Variants in FARS2 observed in about 807,000 individuals in gnomAD.
The protein encoded by FARS2 is phenylalanyl-tRNA synthetase 2, mitochondrial, also known as phenylalanine--tRNA ligase, mitochondrial.
In FARS2, 40 loss-of-function variants were observed where a neutral mutation model predicts 46.4. The observed-to-expected ratio is 0.86, with a 90% confidence interval of 0.67 to 1.12. The LOEUF (loss-of-function observed/expected upper bound fraction) is 1.12, where lower values mean the gene tolerates loss of function less well. Among genes scored for constraint, FARS2 ranks in the 50% most tolerant of loss-of-function variants. The pLI, the probability that FARS2 is intolerant of heterozygous loss-of-function variation, is 0.00. For missense variants in FARS2, 513 were observed against 567.9 expected, an observed-to-expected ratio of 0.90 and a Z score of 0.98; for synonymous variants, 234 against 214.9, an observed-to-expected ratio of 1.09 and a Z score of -0.78.
rs377077051 is a variant in FARS2, at chr6:5,285,736, T to C, written c.-22+24076T>C. Among the ~76,000 whole-genome samples the C allele has an allele frequency of 5.3e-5, 8 of 152,350 alleles. No individual in the cohort carries two copies. The South Asian group carries it at 1.2e-3, about 24-fold the overall frequency. On this transcript the variant is annotated intron_variant, in intron 1 of 6. Coordinates refer to ENST00000274680, the MANE Select transcript of FARS2 (RefSeq NM_006567.5). ...AAACCATTTAGGTCAAGTTTCAGTG[T>C]CTGTCTCAGTGATGTTATCTCTGTG...
At chr6:5,566,088 T>A (rs948580622) in intron 5 of FARS2, among the ~76,000 whole-genome samples, 1 of 152,208 alleles carries the variant, frequency 6.6e-6, no homozygotes, top group Non-Finnish European at 1.5e-5. Context: ...TTTATTTTAA[T>A]GCTTAATTTA....
intron 1 of FARS2, among the ~76,000 whole-genome samples, chr6:5,266,125 A>G (rs1218114384): frequency 6.6e-6 from 1 of 152,180 alleles, no homozygotes; most frequent in Non-Finnish European, 1.5e-5. Flanking sequence ...TGTAGGTGGA[A>G]GATGACTCAC....
intron 4 of FARS2, among the ~76,000 whole-genome samples, chr6:5,476,319 T>C (rs1766120862): frequency 6.6e-6 from 1 of 152,330 alleles, no homozygotes; most frequent in South Asian, 2.1e-4. Flanking sequence ...AGCATACTAA[T>C]TGATGTTTTC....
At chr6:5,388,253 C>T (rs1209047438) in intron 2 of FARS2, among the ~76,000 whole-genome samples, 4 of 152,134 alleles carry the variant, frequency 2.6e-5, no homozygotes, top group Non-Finnish European at 5.9e-5. Context: ...AAAAATCATA[C>T]ACTTGGCAGG....
chr6:5,444,314 A>C (rs1319108730), intron 4 of FARS2, among the ~76,000 whole-genome samples: 2 of 151,896 alleles, frequency 1.3e-5, no homozygotes, highest in Non-Finnish European at 2.9e-5. Context: ...TAAAAATACA[A>C]AAATTAGCTG....
At chr6:5,407,066 T>TATGTATATATATAA (rs70975905) in intron 3 of FARS2, among the ~76,000 whole-genome samples, 1 of 109,690 alleles carries the variant, frequency 9.1e-6, no homozygotes, top group Non-Finnish European at 1.9e-5. Flanking sequence ...TATATATATA[T>TATGTATATATATAA]AATGACCAAT....
At chr6:5,438,801 G>A (rs991395293) in intron 4 of FARS2, among the ~76,000 whole-genome samples, 1 of 152,142 alleles carries the variant, frequency 6.6e-6, no homozygotes, top group Admixed American at 6.5e-5. Flanking sequence ...TGGGCATCAT[G>A]TCCATGCTCA....
intron 5 of FARS2, among the ~76,000 whole-genome samples, chr6:5,558,338 T>G (rs1246757640): frequency 1.3e-5 from 2 of 152,108 alleles, no homozygotes; most frequent in Non-Finnish European, 2.9e-5. Flanking sequence ...AGGTAGAGTG[T>G]CACATGGCTT....
chr6:5,370,906 A>G (rs1234780798), intron 2 of FARS2, among the ~76,000 whole-genome samples: 1 of 152,204 alleles, frequency 6.6e-6, no homozygotes, highest in African/African-American at 2.4e-5. Flanking sequence ...CTTCTTATAT[A>G]AGGTGCATCT....
chr6:5,331,131 G>A (rs1408965423), intron 1 of FARS2, among the ~76,000 whole-genome samples: 2 of 150,478 alleles, frequency 1.3e-5, no homozygotes, highest in Non-Finnish European at 3.0e-5. Context: ...AAGATTGATG[G>A]TCTTATTCTA....
chr6:5,457,421 G>A (rs575664336), intron 4 of FARS2, among the ~76,000 whole-genome samples: 5 of 152,220 alleles, frequency 3.3e-5, no homozygotes, highest in East Asian at 3.9e-4. Flanking sequence ...GCTGGCCGAC[G>A]TTTTTGATCT....
chr6:5,717,937 C>T lies in FARS2; in HGVS notation c.1218-53354C>T, dbSNP rs374883421. On this transcript the variant is annotated intron_variant, in intron 6 of 6. Transcript: ENST00000274680. ...ATATATATATATATATATATATATA[C>T]AGAGTCTCACTCTGTCGCCCAGGCT... Among the ~76,000 whole-genome samples the T allele has an allele frequency of 1.8e-3, 243 of 136,802 alleles. 4 individuals are homozygous for T. Among genetic ancestry groups the T allele is most frequent in the East Asian group, 7.2e-3 (34 of 4,744 alleles). The allele number at this position is 136,802 out of a possible 152,430, so 89.7% of individuals were successfully genotyped here.
At chr6:5,355,368 C>CTTTTTTTTTTTTTTTTTTTTTTTT (rs200590190) in intron 1 of FARS2, among the ~76,000 whole-genome samples, 1 of 142,444 alleles carries the variant, frequency 7.0e-6, no homozygotes, top group Non-Finnish European at 1.5e-5. Flanking sequence ...TTAGGTTTTC[C>CTTTTTTTTTTTTTTTTTTTTTTTT]TTTTTGTTTT....
At chr6:5,737,512 CAGAGCAA>C (rs1446550955) in intron 6 of FARS2, among the ~76,000 whole-genome samples, 1 of 152,206 alleles carries the variant, frequency 6.6e-6, no homozygotes, top group Non-Finnish European at 1.5e-5. Flanking sequence ...GCCTGGGCGA[CAGAGCAA>C]GACCCTGTCT....
intron 2 of FARS2, among the ~76,000 whole-genome samples, chr6:5,391,364 A>C (rs1219321141): frequency 6.6e-6 from 1 of 152,206 alleles, no homozygotes; most frequent in East Asian, 1.9e-4. Flanking sequence ...AAGATTAAAG[A>C]AAACCATATA....
chr6:5,546,691 T>TATTTTTGATA (rs992227633), intron 5 of FARS2, among the ~76,000 whole-genome samples: 1 of 152,140 alleles, frequency 6.6e-6, no homozygotes, highest in African/African-American at 2.4e-5. Flanking sequence ...CTGTGTGCTT[T>TATTTTTGATA]ATTTTTGATA....
rs67469826 is a variant in FARS2, at chr6:5,410,157, G to GT, written c.772+5470dup. Reference sequence around the variant, plus strand: ...GCTTTGTTCGTTTTTGTGTTTTTTTGTTTTTTTTTTTTTTGAGATGGAGTC... The same window carrying GT: ...GCTTTGTTCGTTTTTGTGTTTTTTTGTTTTTTTTTTTTTTTGAGATGGAGTC... On this transcript the variant is annotated intron_variant, in intron 3 of 6. Transcript: ENST00000274680. Among the ~76,000 whole-genome samples the GT allele has an allele frequency of 1.9e-3, 263 of 136,844 alleles. 1 individual carries two copies. Among genetic ancestry groups the GT allele is most frequent in the Middle Eastern group, 3.7e-3 (1 of 272 alleles). 89.8% of individuals were successfully genotyped at this position (136,844 alleles called of 152,430 possible).
Position 5,516,712 on chromosome 6 carries a change from T to C in FARS2, c.905-28468T>C, listed in dbSNP as rs529298867. ...AGCTCTGACCATAGGTATCATGTTA[T>C]AAGGAGGCTCTATATTGAAAGAGAA... On this transcript the variant is annotated intron_variant, in intron 4 of 6. Transcript: ENST00000274680. 2.0e-5 allele frequency among the ~76,000 whole-genome samples: 3 copies of C among 152,362 alleles called. No individual in the cohort carries two copies. The South Asian group carries it at 6.2e-4, about 32-fold the overall frequency.
chr6:5,582,959 G>A (rs1443125949), intron 5 of FARS2, among the ~76,000 whole-genome samples: 1 of 152,124 alleles, frequency 6.6e-6, no homozygotes, highest in Non-Finnish European at 1.5e-5. Context: ...AGACATTTGA[G>A]TTGTATTAAA....
Sources: gnomAD v4.1 joint callset for allele counts (sites outside exome capture counted in the v4.1 genomes callset) on GRCh38, gnomAD v4.1.1 for gene constraint, MANE v1.5 for transcripts, NCBI Gene and HGNC (gene_info 2026-07-23, HGNC 2026-07-21) for gene names.